The following ACYP2 variants were observed in gnomAD, a reference collection of about 807,000 sequenced individuals.
ACYP2 encodes acylphosphatase-2.
Under a neutral mutation model 11.2 loss-of-function variants are expected in ACYP2, and 12 were observed. That is an observed-to-expected ratio of 1.08 (90% CI 0.69 to 1.74). The LOEUF is 1.74. Ranked by LOEUF, ACYP2 falls within the 40% of genes most tolerant of loss-of-function variation. The pLI, the probability that ACYP2 is intolerant of heterozygous loss-of-function variation, is 0.00. For missense variants in ACYP2, 134 were observed against 101.9 expected (o/e 1.31, Z -1.35); for synonymous variants, 43 against 32.2 (o/e 1.33, Z -1.13).
At chr2:53,989,155 G>A (rs575415776) in intron 2 of ACYP2, among the ~76,000 whole-genome samples, 1 of 152,230 alleles carries the variant, frequency 6.6e-6, no homozygotes, top group African/African-American at 2.4e-5. Context: ...AACATGCAGT[G>A]GAAAGGCTAT....
chr2:54,071,722 G>A (rs1365914745), intron 4 of ACYP2, among the ~76,000 whole-genome samples: 1 of 152,106 alleles, frequency 6.6e-6, no homozygotes, highest in African/African-American at 2.4e-5. Context: ...ATTTAAAAAT[G>A]ACGTTAGGCC....
At chr2:54,193,850 A>G (rs182230299) in intron 6 of ACYP2, among the ~76,000 whole-genome samples, 2 of 152,334 alleles carry the variant, frequency 1.3e-5, no homozygotes, top group Admixed American at 6.5e-5. Flanking sequence ...AGTAATTGGC[A>G]TAATGAGTTG....
chr2:54,094,559 A>G (rs1024872495), intron 4 of ACYP2, among the ~76,000 whole-genome samples: 2 of 142,910 alleles, frequency 1.4e-5, no homozygotes, highest in African/African-American at 5.3e-5. Flanking sequence ...TGTGTTTGAG[A>G]CATTGTCTTG....
intron 6 of ACYP2, among the ~76,000 whole-genome samples, chr2:54,217,059 G>A (rs140706896): frequency 3.7e-4 from 57 of 152,030 alleles, no homozygotes; most frequent in African/African-American, 1.2e-3. Flanking sequence ...TAGGTTTCCC[G>A]TAGAAACAGT....
At chr2:54,221,077 G>C (rs1234069336) in intron 6 of ACYP2, among the ~76,000 whole-genome samples, 4 of 152,044 alleles carry the variant, frequency 2.6e-5, no homozygotes, top group African/African-American at 9.7e-5. Context: ...TTTTTTCACT[G>C]GTCATTTGTT....
chr2:54,143,558 C>A (rs563330127), intron 6 of ACYP2, among the ~76,000 whole-genome samples: 1 of 151,958 alleles, frequency 6.6e-6, no homozygotes, highest in Admixed American at 6.6e-5. Flanking sequence ...CTCAGCCTCC[C>A]GAGTAGCTGG....
At chr2:54,273,062 C>G (rs1269501403) in intron 6 of ACYP2, among the ~76,000 whole-genome samples, 2 of 152,180 alleles carry the variant, frequency 1.3e-5, no homozygotes, top group Non-Finnish European at 2.9e-5. Context: ...CAGTGGTAGG[C>G]AGGCTTTTCT....
At chr2:53,988,208 G>GAAT (rs879386314) in intron 2 of ACYP2, among the ~76,000 whole-genome samples, 29 of 151,812 alleles carry the variant, frequency 1.9e-4, no homozygotes, top group Non-Finnish European at 3.4e-4. Flanking sequence ...CATATTAAAA[G>GAAT]AATAATAATA....
rs61732717 is a variant in ACYP2 at position 54,256,000 on chromosome 2, G to A, written c.405-48688G>A. The A allele has an allele frequency of 2.0e-3, 3,265 of 1,614,108 alleles. 60 individuals carry two copies. The African/African-American group carries it at 0.038, about 19-fold the overall frequency. ...GACCCCCTCCTCTGGAAGCCGGGGC[G>A]GTGGGAACACGATTGGCTCCAAGCG... On this transcript the variant is annotated intron_variant, in intron 6 of 6. Transcript: ENST00000607452.
Position 54,138,730 on chromosome 2 carries a change from A to C in ACYP2, c.386A>C (p.Glu129Ala). The C allele has an allele frequency of 6.2e-7, 1 of 1,613,846 alleles. No homozygotes were observed. The highest frequency in any genetic ancestry group is 8.5e-7 in the Non-Finnish European group (1 of 1,179,870). The stretch of plus-strand genomic sequence containing the variant: ...GTGACAGGCCAAGTGCAGGGGCCAG[A>C]AGACAAAGTCAATTCCATGTGAGTA... Residue 129 changes from glutamate to alanine, a missense_variant, in exon 6 of 7, where the codon GAA (glutamate) becomes GCA (alanine). Physicochemically the swap from Glu to Ala is moderately radical, Grantham distance 107. Coordinates refer to ENST00000607452, the MANE Select transcript of ACYP2 (RefSeq NM_001320586.2).
intron 4 of ACYP2, among the ~76,000 whole-genome samples, chr2:54,134,860 A>G (rs1681129636): frequency 6.6e-6 from 1 of 152,244 alleles, no homozygotes; most frequent in Admixed American, 6.5e-5. Flanking sequence ...CTGTGGCCAT[A>G]ACTTTTACAA....
At chr2:54,241,587 G>A (rs138489057) in intron 6 of ACYP2, among the ~76,000 whole-genome samples, 6 of 152,132 alleles carry the variant, frequency 3.9e-5, no homozygotes, top group African/African-American at 1.2e-4. Context: ...GTAGAGATTC[G>A]TCTATGCCAG....
intron 4 of ACYP2, among the ~76,000 whole-genome samples, chr2:54,080,673 G>A (rs1677598746): frequency 6.6e-6 from 1 of 152,004 alleles, no homozygotes; most frequent in South Asian, 2.1e-4. Flanking sequence ...ATTTTTAGTA[G>A]AGATGGAGTT....
chr2:54,223,186 C>T lies in ACYP2; in HGVS notation c.405-81502C>T, dbSNP rs557252454. Reference sequence around the variant, plus strand: ...TTAGTCTCATCAGTCAGACAGCCCCCATTTAGCTCAATTTTAATTTTTAAA... The same window carrying T: ...TTAGTCTCATCAGTCAGACAGCCCCTATTTAGCTCAATTTTAATTTTTAAA... On this transcript the variant is annotated intron_variant, in intron 6 of 6. Coordinates refer to ENST00000607452, the MANE Select transcript of ACYP2 (RefSeq NM_001320586.2). 87 of 152,238 alleles carry T rather than the reference C, an allele frequency of 5.7e-4. 1 individual carries two copies. Among genetic ancestry groups the T allele is most frequent in the African/African-American group, 2.0e-3 (83 of 41,540 alleles). The allele number at this position is 152,238 out of a possible 1,614,324, so 9.4% of individuals were successfully genotyped here.
chr2:54,150,795 G>A (rs1682127931), intron 6 of ACYP2, among the ~76,000 whole-genome samples: 1 of 148,386 alleles, frequency 6.7e-6, no homozygotes, highest in South Asian at 2.1e-4. Context: ...AGGCTAGAGG[G>A]CAGTGGTGCA....
chr2:54,032,201 C>T (rs1402188528), intron 2 of ACYP2, among the ~76,000 whole-genome samples: 5 of 152,162 alleles, frequency 3.3e-5, no homozygotes, highest in African/African-American at 1.2e-4. Flanking sequence ...AGTCCTTGCC[C>T]ATGCCTATGT....
chr2:54,095,268 T>C (rs770128482), intron 4 of ACYP2, among the ~76,000 whole-genome samples: 1 of 152,074 alleles, frequency 6.6e-6, no homozygotes, highest in Non-Finnish European at 1.5e-5. Flanking sequence ...CAAAACGAAG[T>C]CTCCCATGTC....
At chr2:54,058,368 A>G (rs574684982) in intron 4 of ACYP2, among the ~76,000 whole-genome samples, 1 of 151,270 alleles carries the variant, frequency 6.6e-6, no homozygotes, top group Non-Finnish European at 1.5e-5. Context: ...AGGGGCTTTT[A>G]AATCTTCAGT....
chr2:54,137,396 C>T (rs1478564579), intron 5 of ACYP2, among the ~76,000 whole-genome samples: 1 of 152,012 alleles, frequency 6.6e-6, no homozygotes, highest in Admixed American at 6.6e-5. Flanking sequence ...AAGCCTAGTA[C>T]CCAAAAGTTA....
Sources: allele counts gnomAD v4.1 joint callset (sites outside exome capture counted in the v4.1 genomes callset), GRCh38; gene constraint gnomAD v4.1.1; transcripts MANE v1.5; gene names NCBI Gene and HGNC (gene_info 2026-07-23, HGNC 2026-07-21).